Variants in CTNND2 observed in about 807,000 individuals in gnomAD.
The protein encoded by CTNND2 is catenin delta 2.
CTNND2 carries 22 observed loss-of-function variants against 144.4 expected under a neutral mutation model. The observed-to-expected ratio is 0.15, with a 90% CI of 0.11 to 0.22. The LOEUF is 0.22. Among genes scored for constraint, CTNND2 ranks in the 10% least tolerant of loss-of-function variants. The pLI is 1.00. For synonymous variants in CTNND2, 751 were observed against 695.6 expected, an observed-to-expected ratio of 1.08 and a Z score of -1.25; for missense variants, 1,353 against 1,618.8, an observed-to-expected ratio of 0.84 and a Z score of 2.82.
intron 3 of CTNND2, among the ~76,000 whole-genome samples, chr5:11,483,170 T>A (rs939418464): frequency 6.6e-6 from 1 of 152,258 alleles, no homozygotes; most frequent in African/African-American, 2.4e-5. Context: ...TAATTTTTGA[T>A]GTCAGAGCCA....
At chr5:11,640,963 C>T (rs1045288633) in intron 2 of CTNND2, among the ~76,000 whole-genome samples, 2 of 152,074 alleles carry the variant, frequency 1.3e-5, no homozygotes, top group African/African-American at 4.8e-5. Flanking sequence ...CTGAGTATAT[C>T]GTTCATTCCC....
At chr5:10,993,141 T>C (rs1738898812) in intron 18 of CTNND2, among the ~76,000 whole-genome samples, 1 of 152,154 alleles carries the variant, frequency 6.6e-6, no homozygotes, top group Non-Finnish European at 1.5e-5. Flanking sequence ...TCCCTTCCCG[T>C]TTACCTGCCT....
intron 11 of CTNND2, among the ~76,000 whole-genome samples, chr5:11,184,087 G>A (rs911545758): frequency 2.6e-5 from 4 of 152,180 alleles, no homozygotes; most frequent in African/African-American, 9.7e-5. Context: ...TAATAAAAGT[G>A]TTTCTGAATG....
At chr5:11,377,685 T>A (rs1204702193) in intron 7 of CTNND2, among the ~76,000 whole-genome samples, 1 of 152,154 alleles carries the variant, frequency 6.6e-6, no homozygotes, top group Non-Finnish European at 1.5e-5. Flanking sequence ...TATTAACTTC[T>A]GTGAAGGAAA....
intron 12 of CTNND2, among the ~76,000 whole-genome samples, chr5:11,138,708 GATTA>G (rs1756399451): frequency 1.3e-5 from 2 of 152,342 alleles, no homozygotes; most frequent in African/African-American, 2.4e-5. Context: ...TGTAGTTACT[GATTA>G]ATTATTTTTT....
chr5:11,005,976 G>T (rs1740434809), intron 18 of CTNND2, among the ~76,000 whole-genome samples: 3 of 152,088 alleles, frequency 2.0e-5, no homozygotes, highest in African/African-American at 7.2e-5. Context: ...AAAAACAATT[G>T]TCTTAAGATG....
At chr5:11,314,848 C>G (rs201693252) in intron 9 of CTNND2, among the ~76,000 whole-genome samples, 1 of 151,986 alleles carries the variant, frequency 6.6e-6, no homozygotes, top group Non-Finnish European at 1.5e-5. Context: ...ATGGGGTAGC[C>G]AGGGGTGGCT....
At chr5:11,167,396 G>A (rs1425135703) in intron 11 of CTNND2, among the ~76,000 whole-genome samples, 3 of 152,202 alleles carry the variant, frequency 2.0e-5, no homozygotes, top group Non-Finnish European at 2.9e-5. Context: ...CAGAATGGAT[G>A]AAGAATGAGT....
intron 3 of CTNND2, among the ~76,000 whole-genome samples, chr5:11,546,915 G>A (rs929605400): frequency 6.6e-6 from 1 of 151,988 alleles, no homozygotes; most frequent in African/African-American, 2.4e-5. Flanking sequence ...GCTACTTTAC[G>A]TGAAAAAAAG....
intron 16 of CTNND2, among the ~76,000 whole-genome samples, chr5:11,048,642 T>C (rs926781793): frequency 3.9e-5 from 6 of 152,348 alleles, no homozygotes; most frequent in African/African-American, 1.2e-4. Context: ...GAGTCATCTA[T>C]GGCAACTCAA....
rs1470617054 is a variant in CTNND2, at chr5:11,688,317, T to C, written c.174+43819A>G. Among the ~76,000 whole-genome samples the C allele has an allele frequency of 2.0e-5, 3 of 152,108 alleles. No homozygotes were observed. In the East Asian group the frequency reaches 5.8e-4, roughly 29 times the overall value. ...CAAGGCTCAGGTGTTCATCTTGGTGTCCCCAGCACTCTGTGGGTTACTCAG... is the reference window on the plus strand; with the variant it reads ...CAAGGCTCAGGTGTTCATCTTGGTGCCCCCAGCACTCTGTGGGTTACTCAG... On this transcript the variant is annotated intron_variant, in intron 2 of 21. Coordinates refer to ENST00000304623, the MANE Select transcript of CTNND2 (RefSeq NM_001332.4).
chr5:11,679,004 T>C (rs1784307412), intron 2 of CTNND2, among the ~76,000 whole-genome samples: 1 of 151,994 alleles, frequency 6.6e-6, no homozygotes. Flanking sequence ...TGGAATTACA[T>C]TACTCTCAAA....
At position 11,661,732 on chromosome 5, in the gene CTNND2, T is replaced by G. The variant is rs982173954; in HGVS notation, c.174+70404A>C. ...ATCATACATGTCTATTTCTGTTCCC[T>G]AAGGATTATTTGCTTTTTAAATTTT... On this transcript the variant is annotated intron_variant, in intron 2 of 21. Transcript: ENST00000304623. 2.6e-5 allele frequency among the ~76,000 whole-genome samples: 4 copies of G among 152,310 alleles called. No individual in the cohort carries two copies. The East Asian group carries it at 5.8e-4, about 22-fold the overall frequency.
intron 1 of CTNND2, among the ~76,000 whole-genome samples, chr5:11,755,220 G>T (rs1323227043): frequency 1.3e-5 from 2 of 151,680 alleles, no homozygotes; most frequent in African/African-American, 4.8e-5. Context: ...GACTGGATAT[G>T]AAATTCTCCG....
chr5:11,530,718 T>C (rs1399330001), intron 3 of CTNND2, among the ~76,000 whole-genome samples: 2 of 152,196 alleles, frequency 1.3e-5, no homozygotes, highest in African/African-American at 2.4e-5. Flanking sequence ...TCTGATCACA[T>C]ATATATCTTA....
At chr5:11,607,903 C>A (rs910737580) in intron 2 of CTNND2, among the ~76,000 whole-genome samples, 3 of 152,156 alleles carry the variant, frequency 2.0e-5, no homozygotes, top group Non-Finnish European at 4.4e-5. Flanking sequence ...CACGTTGACA[C>A]TGTGCATTAG....
intron 10 of CTNND2, among the ~76,000 whole-genome samples, chr5:11,200,925 C>T (rs573524233): frequency 2.0e-5 from 3 of 152,090 alleles, no homozygotes; most frequent in South Asian, 2.1e-4. Context: ...GTGATCCGCC[C>T]GCCTCAGCCT....
chr5:11,659,850 A>C (rs1783100892), intron 2 of CTNND2, among the ~76,000 whole-genome samples: 1 of 152,196 alleles, frequency 6.6e-6, no homozygotes, highest in African/African-American at 2.4e-5. Context: ...ATCAGCTACC[A>C]GTAACGTCTT....
chr5:11,878,700 G>C (rs1735752373), intron 1 of CTNND2, among the ~76,000 whole-genome samples: 1 of 152,160 alleles, frequency 6.6e-6, no homozygotes, highest in African/African-American at 2.4e-5. Context: ...AAGAGTCCTT[G>C]CTGCTTCATG....
Sources: allele counts gnomAD v4.1 joint callset (sites outside exome capture counted in the v4.1 genomes callset), GRCh38; gene constraint gnomAD v4.1.1; transcripts MANE v1.5; gene names NCBI Gene and HGNC (gene_info 2026-07-23, HGNC 2026-07-21).